CTSG: variants seen among roughly 807,000 people sequenced by gnomAD.
CTSG encodes cathepsin G.
CTSG carries 23 observed loss-of-function variants against 23.0 expected under a neutral mutation model. The ratio of observed to expected loss-of-function variants is 1.00; its 90% confidence interval spans 0.72 to 1.42. The LOEUF is 1.42. Among genes scored for constraint, CTSG ranks in the 40% most tolerant of loss-of-function variants. The pLI is 0.00. For synonymous variants in CTSG, 140 were observed against 130.4 expected, an observed-to-expected ratio of 1.07 and a Z score of -0.50; for missense variants, 312 against 326.2, an observed-to-expected ratio of 0.96 and a Z score of 0.33.
At position 24,576,229 on chromosome 14, in the gene CTSG, C is replaced by G; in HGVS notation, c.-6G>C. 1 of 1,604,552 alleles carries G rather than the reference C, an allele frequency of 6.2e-7. No individual in the cohort carries two copies. Among genetic ancestry groups the G allele is most frequent in the Non-Finnish European group, 8.5e-7 (1 of 1,175,744 alleles). On this transcript the variant is annotated 5_prime_UTR_variant, in exon 1 of 5. Transcript: ENST00000216336. ...AGAAGCAGGAGTGGCTGCATCTTTC[C>G]TGAAAGGCTGCCCAGTCAGTTGCTG...
In CTSG at chr14:24,573,801, C is replaced by G; in HGVS notation, c.604G>C (p.Gly202Arg). ...ACATTGTTACACAGCAGGGGGCCTC[C>G]GGAATCCCCCTGTAGGTAGAGAGGA... Reference protein sequence around the residue: ...ERKAAFKGDSGGPLLCNNVAH... With the variant: ...ERKAAFKGDSRGPLLCNNVAH... The change falls in exon 5 of 5, where the codon GGA (glycine) becomes CGA (arginine). Residue 202 changes from glycine to arginine, a missense_variant. Gly to Arg is a moderately radical substitution (Grantham distance 125). Coordinates refer to ENST00000216336, the MANE Select transcript of CTSG (RefSeq NM_001911.3). The G allele has an allele frequency of 6.2e-7, 1 of 1,613,792 alleles. No homozygotes were observed. The highest frequency in any genetic ancestry group is 1.3e-5 in the African/African-American group (1 of 75,012).
chr14:24,575,243 A>G (rs1183737129), intron 2 of CTSG, 22 bp downstream of exon 2: 2 of 1,613,662 alleles, frequency 1.2e-6, no homozygotes, highest in Non-Finnish European at 1.7e-6. Flanking sequence ...CTGGCTGGCC[A>G]GGAAGTTCCT....
chr14:24,575,327 G>T lies in CTSG; in HGVS notation c.141C>A (p.Ser47Arg), dbSNP rs2036712407. Reference sequence around the variant, plus strand: ...CTCGCACCAGGAACCCTCCACATCTGCTCTGACCTGCTGGACTCTGGATCT... The same window carrying T: ...CTCGCACCAGGAACCCTCCACATCTTCTCTGACCTGCTGGACTCTGGATCT... ...YLQIQSPAGQ[S>R]RCGGFLVRED... is the part of the protein sequence containing the mutation. The change falls in exon 2 of 5, where the codon AGC becomes AGA. Residue 47 changes from serine (S) to arginine (R), a missense_variant. Coordinates refer to ENST00000216336, the MANE Select transcript of CTSG (RefSeq NM_001911.3). 6.2e-7 allele frequency: 1 copy of T among 1,614,174 alleles called. No homozygotes were observed. Among genetic ancestry groups the T allele is most frequent in the Non-Finnish European group, 8.5e-7 (1 of 1,180,034 alleles).
chr14:24,574,689 T>C lies in CTSG; in HGVS notation c.325A>G (p.Ile109Val), dbSNP rs1282946555. The change falls in exon 3 of 5, where the codon ATC (isoleucine) becomes GTC (valine). Residue 109 changes from isoleucine to valine, a missense_variant. Coordinates refer to ENST00000216336, the MANE Select transcript of CTSG (RefSeq NM_001911.3). Reference protein sequence around the residue: ...QYNQRTIQNDIMLLQLSRRVR... With the variant: ...QYNQRTIQNDVMLLQLSRRVR... ...GTAGGTGGTACCTGCAATAACATGA[T>C]GTCATTCTGGATGGTCCGCTGATTA... is the stretch of plus-strand genomic sequence containing the variant. 3.1e-6 allele frequency: 5 copies of C among 1,614,070 alleles called. No individual in the cohort carries two copies. In the South Asian group the frequency reaches 3.3e-5, roughly 11 times the overall value.
Position 24,573,740 on chromosome 14 carries a change from C to T in CTSG, c.665G>A (p.Gly222Glu). Residue 222 changes from glycine (G) to glutamate (E), a missense_variant, in exon 5 of 5, where the codon GGG (glycine) becomes GAG (glutamate). Transcript: ENST00000216336. The stretch of plus-strand genomic sequence containing the variant: ...CCTGGTGAAGACTTCTGGAGGAACC[C>T]CTGACGACTTTCCATAGGAGACGAT... Reference protein sequence around the residue: ...HGIVSYGKSSGVPPEVFTRVS... With the variant: ...HGIVSYGKSSEVPPEVFTRVS... 1.2e-6 allele frequency: 2 copies of T among 1,614,074 alleles called. No homozygotes were observed. Among genetic ancestry groups the T allele is most frequent in the Non-Finnish European group, 1.7e-6 (2 of 1,180,006 alleles).
Position 24,576,161 on chromosome 14 carries a change from T to G in CTSG, c.55+8A>C. On this transcript the variant is annotated splice_region_variant and intron_variant, in intron 1 of 4. Transcript: ENST00000216336. ...GTCAGGCCTCTGAGGGTGGGGATGG[T>G]CACTCACCTGCCTCAGCCCCAGTGG... 1 of 1,607,930 alleles carries G rather than the reference T, an allele frequency of 6.2e-7. No individual in the cohort carries two copies. The highest frequency in any genetic ancestry group is 8.5e-7 in the Non-Finnish European group (1 of 1,177,294).
chr14:24,574,933 T>G, intron 2 of CTSG, 123 bp from the exon 3 acceptor site: 1 of 1,272,024 alleles, frequency 7.9e-7, no homozygotes, highest in South Asian at 1.3e-5. Context: ...GGGAGGGCCC[T>G]GGGGCTCAGC....
Position 24,574,674 on chromosome 14 carries a change from C to T in CTSG, c.339+1G>A. 6.2e-7 allele frequency: 1 copy of T among 1,614,206 alleles called. No individual in the cohort carries two copies. The highest frequency in any genetic ancestry group is 8.5e-7 in the Non-Finnish European group (1 of 1,180,042). ...GAGCCAGAGGGCCAGGTAGGTGGTA[C>T]CTGCAATAACATGATGTCATTCTGG... is the stretch of plus-strand genomic sequence containing the variant. On this transcript the variant is annotated splice_donor_variant, in intron 3 of 4. Coordinates refer to ENST00000216336, the MANE Select transcript of CTSG (RefSeq NM_001911.3). LOFTEE classifies it high-confidence loss of function.
intron 4 of CTSG, 115 bp downstream of exon 4, chr14:24,574,130 G>A: frequency 7.4e-7 from 1 of 1,358,344 alleles, no homozygotes; most frequent in Non-Finnish European, 1.0e-6. Flanking sequence ...ACAATCCCCA[G>A]CCCACCCTGG....
chr14:24,573,738 C>A lies in CTSG; in HGVS notation c.667G>T (p.Val223Phe). Residue 223 changes from valine to phenylalanine, a missense_variant, in exon 5 of 5, where the codon GTT (valine) becomes TTT (phenylalanine). Transcript: ENST00000216336. ...ACCCTGGTGAAGACTTCTGGAGGAA[C>A]CCCTGACGACTTTCCATAGGAGACG... ...GIVSYGKSSG[V>F]PPEVFTRVSS... 2 of 1,614,112 alleles carry A rather than the reference C, an allele frequency of 1.2e-6. No homozygotes were observed. The highest frequency in any genetic ancestry group is 1.1e-5 in the South Asian group (1 of 91,084).
chr14:24,573,855 T>A, intron 4 of CTSG, 45 bp from the exon 5 acceptor site: 1 of 1,572,190 alleles, frequency 6.4e-7, no homozygotes, highest in Non-Finnish European at 8.7e-7. Context: ...GCCTCCCTGC[T>A]CCTGCTTCCC....
rs1371466756 is a variant in CTSG, at chr14:24,573,796, GC to G, written c.608del (p.Gly203AlafsTer36). On this transcript the variant is annotated frameshift_variant, in exon 5 of 5. Transcript: ENST00000216336. LOFTEE classifies it low-confidence loss of function (END_TRUNC). ...RKAAFKGDSGGPLLCNNVAHG... is the reference protein window; with the variant it reads ...RKAAFKGDSGXPLLCNNVAHG... ...GGGCCACATTGTTACACAGCAGGGG[GC>G]CTCCGGAATCCCCCTGTAGGTAGAG... 1 of 1,613,862 alleles carries G rather than the reference GC, an allele frequency of 6.2e-7. No individual in the cohort carries two copies. Among genetic ancestry groups the G allele is most frequent in the Non-Finnish European group, 8.5e-7 (1 of 1,179,968 alleles).
At chr14:24,574,008 G>A (rs1183454255) in intron 4 of CTSG, among the ~76,000 whole-genome samples, 198 bp from the exon 5 acceptor site, 1 of 152,128 alleles carries the variant, frequency 6.6e-6, no homozygotes, top group Non-Finnish European at 1.5e-5. Flanking sequence ...CTTAATTACT[G>A]TCTCCAGCCC....
rs556852293 is a variant in CTSG, at chr14:24,574,194, C to A, written c.594+51G>T. ...TGGAATCTGTTCGCACTGCCTGGCT[C>A]TGCACGGGCCCCTCTCTCCCGGGGT... is the stretch of plus-strand genomic sequence containing the variant. On this transcript the variant is annotated intron_variant, in intron 4 of 4. Transcript: ENST00000216336. 3 of 1,593,240 alleles carry A rather than the reference C, an allele frequency of 1.9e-6. No individual in the cohort carries two copies. In the African/African-American group the frequency reaches 4.0e-5, roughly 21 times the overall value.
In CTSG at chr14:24,574,672, T is replaced by A; in HGVS notation, c.339+3A>T. On this transcript the variant is annotated splice_donor_region_variant and intron_variant, in intron 3 of 4. Transcript: ENST00000216336. Reference sequence around the variant, plus strand: ...AGGAGCCAGAGGGCCAGGTAGGTGGTACCTGCAATAACATGATGTCATTCT... The same window carrying A: ...AGGAGCCAGAGGGCCAGGTAGGTGGAACCTGCAATAACATGATGTCATTCT... 1 of 1,614,184 alleles carries A rather than the reference T, an allele frequency of 6.2e-7. No homozygotes were observed. The highest frequency in any genetic ancestry group is 2.2e-5 in the East Asian group (1 of 44,870).
At chr14:24,574,167 G>C in intron 4 of CTSG, 78 bp downstream of exon 4, 2 of 1,545,630 alleles carry the variant, frequency 1.3e-6, no homozygotes, top group Non-Finnish European at 1.7e-6. Context: ...AGGCTGTGGG[G>C]ATGGAATCTG....
intron 2 of CTSG, 139 bp from the exon 3 acceptor site, chr14:24,574,949 C>T (rs1202678290): frequency 1.3e-5 from 14 of 1,112,260 alleles, no homozygotes; most frequent in Middle Eastern, 3.0e-4. Context: ...TCAGCTGTAT[C>T]CTCTTTCTCA....
Position 24,573,543 on chromosome 14 carries a change from CAAAT to C in CTSG, c.*90_*93del. 5 of 1,267,938 alleles carry C rather than the reference CAAAT, an allele frequency of 3.9e-6. No individual in the cohort carries two copies. Among genetic ancestry groups the C allele is most frequent in the Non-Finnish European group, 5.5e-6 (5 of 912,776 alleles). 78.5% of individuals were successfully genotyped at this position (1,267,938 alleles called of 1,614,324 possible). A position where few individuals can be genotyped will look rare whatever the true frequency, so the allele number is the denominator to read the frequency against. On this transcript the variant is annotated 3_prime_UTR_variant, in exon 5 of 5. Transcript: ENST00000216336. The stretch of plus-strand genomic sequence containing the variant: ...TAAGTACTGAATGACGTTTAATGAA[CAAAT>C]GAGGAATTGGTTATTTATACTCTGT...
At chr14:24,573,918 G>T in intron 4 of CTSG, 108 bp from the exon 5 acceptor site, 1 of 1,012,240 alleles carries the variant, frequency 9.9e-7, no homozygotes, top group Non-Finnish European at 1.5e-6. Flanking sequence ...TTCAATTGCT[G>T]GGTGTGTGTG....
Sources: allele counts gnomAD v4.1 joint callset (sites outside exome capture counted in the v4.1 genomes callset), GRCh38; gene constraint gnomAD v4.1.1; transcripts MANE v1.5; gene names NCBI Gene and HGNC (gene_info 2026-07-23, HGNC 2026-07-21).